The following LEO1 variants were observed in gnomAD, a reference collection of about 807,000 sequenced individuals.
The protein encoded by LEO1 is RNA polymerase-associated protein LEO1.
LEO1 carries 34 observed loss-of-function variants against 80.4 expected under a neutral mutation model. That is an observed-to-expected ratio of 0.42 (90% CI 0.32 to 0.56). LEO1 has a LOEUF of 0.56. LEO1 is among the 20% of genes least tolerant of loss of function. The pLI, the probability that LEO1 is intolerant of heterozygous loss-of-function variation, is 0.10. For missense variants in LEO1, 631 were observed against 814.2 expected, an observed-to-expected ratio of 0.77 and a Z score of 2.74; for synonymous variants, 262 against 274.9, an observed-to-expected ratio of 0.95 and a Z score of 0.46.
intron 6 of LEO1, among the ~76,000 whole-genome samples, chr15:51,956,839 G>T (rs1010832583): frequency 1.3e-4 from 20 of 151,484 alleles, no homozygotes; most frequent in Non-Finnish European, 8.8e-5. Flanking sequence ...TTTTTTTTTG[G>T]GGGGGAGACA....
rs1356455998 is a variant in LEO1 at position 51,953,109 on chromosome 15, A to G, written c.1475+20T>C. ...CTGCTTTTACCATAAGAAATAATACATAATAATAATAACAGTTACCTGAAG... is the reference window on the plus strand; with the variant it reads ...CTGCTTTTACCATAAGAAATAATACGTAATAATAATAACAGTTACCTGAAG... On this transcript the variant is annotated intron_variant, in intron 8 of 11. Coordinates refer to ENST00000299601, the MANE Select transcript of LEO1 (RefSeq NM_138792.4). 1.9e-6 allele frequency: 3 copies of G among 1,591,232 alleles called. No individual in the cohort carries two copies. The South Asian group carries it at 3.4e-5, about 18-fold the overall frequency.
At chr15:51,942,757 A>G (rs1421189994) in intron 11 of LEO1, among the ~76,000 whole-genome samples, 5 of 151,954 alleles carry the variant, frequency 3.3e-5, no homozygotes, top group Non-Finnish European at 7.4e-5. Context: ...CCCTGTCTCT[A>G]CTAAAAATAC....
intron 6 of LEO1, among the ~76,000 whole-genome samples, chr15:51,955,840 T>C (rs2056984770): frequency 6.6e-6 from 1 of 152,150 alleles, no homozygotes; most frequent in South Asian, 2.1e-4. Context: ...TCCTCACAAA[T>C]AGCTATAAAG....
chr15:51,942,254 G>A (rs571966945), intron 11 of LEO1, among the ~76,000 whole-genome samples: 32 of 152,282 alleles, frequency 2.1e-4, no homozygotes, highest in African/African-American at 7.7e-4. Flanking sequence ...TGTCAGGGAA[G>A]GAAAGGGAAG....
chr15:51,970,328 T>C (rs1006988140), intron 1 of LEO1, among the ~76,000 whole-genome samples: 1 of 152,054 alleles, frequency 6.6e-6, no homozygotes, highest in Non-Finnish European at 1.5e-5. Context: ...TGGCTAACAG[T>C]TTGTATTTTT....
chr15:51,965,151 G>A (rs574837545), intron 2 of LEO1, among the ~76,000 whole-genome samples: 4 of 152,138 alleles, frequency 2.6e-5, no homozygotes, highest in African/African-American at 7.2e-5. Flanking sequence ...ATTTGCCCCC[G>A]GGGAAACATA....
intron 11 of LEO1, 67 bp downstream of exon 11, chr15:51,947,225 C>A: frequency 9.9e-7 from 1 of 1,014,038 alleles, no homozygotes; most frequent in Non-Finnish European, 1.6e-6. Flanking sequence ...TCTGTGAGCT[C>A]TTCATTCAAA....
intron 5 of LEO1, 118 bp downstream of exon 5, chr15:51,959,781 G>A (rs1372595390): frequency 1.1e-6 from 1 of 919,376 alleles, no homozygotes; most frequent in African/African-American, 1.7e-5. Context: ...AATTTTTTCA[G>A]AGATACACGA....
chr15:51,943,063 G>A (rs1464120643), intron 11 of LEO1, among the ~76,000 whole-genome samples: 2 of 151,622 alleles, frequency 1.3e-5, no homozygotes, highest in African/African-American at 4.8e-5. Context: ...GACCAGCTTG[G>A]GCAACAAAGT....
In LEO1 at chr15:51,960,606, C is replaced by A. The variant is rs2057022428; in HGVS notation, c.1014+33G>T. On this transcript the variant is annotated intron_variant, in intron 4 of 11. Coordinates refer to ENST00000299601, the MANE Select transcript of LEO1 (RefSeq NM_138792.4). Reference sequence around the variant, plus strand: ...TTCACCTTTGAAACTTTATGCCTGGCCTTGAATAAGTTCATGTTACTAACT... The same window carrying A: ...TTCACCTTTGAAACTTTATGCCTGGACTTGAATAAGTTCATGTTACTAACT... 4 of 1,208,278 alleles carry A rather than the reference C, an allele frequency of 3.3e-6. No individual in the cohort carries two copies. In the Admixed American group the frequency reaches 6.8e-5, roughly 21 times the overall value. 74.8% of individuals were successfully genotyped at this position (1,208,278 alleles called of 1,614,324 possible). A position where few individuals can be genotyped will look rare whatever the true frequency, so the allele number is the denominator to read the frequency against.
Position 51,960,678 on chromosome 15 carries a change from A to T in LEO1, c.975T>A (p.Ser325Arg). The change falls in exon 4 of 12, where the codon AGT becomes AGA. Residue 325 changes from serine to arginine, a missense_variant. Physicochemically the swap from Ser to Arg is moderately radical, Grantham distance 110. Around this residue, in one of 4 missense-constraint regions of LEO1, gnomAD observed 394 missense variants for 395.6 expected, o/e 1.00. Transcript: ENST00000299601. The stretch of plus-strand genomic sequence containing the variant: ...GAGTAGGTGGTTTGTCTTCTCCATC[A>T]CTCCCTGAAGAGATATCATCTGCAC... Reference protein sequence around the residue: ...FGGADDISSGSDGEDKPPTPG... With the variant: ...FGGADDISSGRDGEDKPPTPG... 6.2e-7 allele frequency: 1 copy of T among 1,611,410 alleles called. No homozygotes were observed. Among genetic ancestry groups the T allele is most frequent in the Non-Finnish European group, 8.5e-7 (1 of 1,177,676 alleles).
chr15:51,955,113 A>T (rs1193271904), intron 6 of LEO1: 1 of 151,896 alleles, frequency 6.6e-6, no homozygotes, highest in Non-Finnish European at 1.5e-5. Flanking sequence ...ATTTTTTCAT[A>T]TTTTTTAGTA....
chr15:51,955,953 G>C (rs1390583270), intron 6 of LEO1, among the ~76,000 whole-genome samples: 1 of 152,208 alleles, frequency 6.6e-6, no homozygotes, highest in Non-Finnish European at 1.5e-5. Context: ...GGAATATGTA[G>C]ATGACAAAAG....
intron 2 of LEO1, among the ~76,000 whole-genome samples, chr15:51,965,021 C>T (rs542838368): frequency 2.6e-5 from 4 of 152,190 alleles, no homozygotes; most frequent in African/African-American, 9.6e-5. Context: ...AGGATACACC[C>T]ATCAATCTGT....
Position 51,966,343 on chromosome 15 carries a change from G to C in LEO1, c.220C>G (p.His74Asp). 6.2e-7 allele frequency: 1 copy of C among 1,614,148 alleles called. No homozygotes were observed. The highest frequency in any genetic ancestry group is 8.5e-7 in the Non-Finnish European group (1 of 1,180,024). Residue 74 changes from histidine (H) to aspartate (D), a missense_variant, in exon 2 of 12, where the codon CAT (histidine) becomes GAT (aspartate). His to Asp is a moderately conservative substitution (Grantham distance 81). Transcript: ENST00000299601. ...DDSEDEGASHHSGSDNHSERS... is the reference protein window; with the variant it reads ...DDSEDEGASHDSGSDNHSERS... The stretch of plus-strand genomic sequence containing the variant: ...TCAGAGTGATTATCACTACCACTAT[G>C]ATGTGAAGCTCCCTCGTCCTCACTG...
intron 1 of LEO1, among the ~76,000 whole-genome samples, chr15:51,966,934 A>C (rs999774446): frequency 1.3e-5 from 2 of 151,898 alleles, no homozygotes; most frequent in Admixed American, 6.6e-5. Flanking sequence ...AAAAAGAAAA[A>C]GAAAAATATA....
chr15:51,958,898 C>T, intron 5 of LEO1, 72 bp from the exon 6 acceptor site: 1 of 707,770 alleles, frequency 1.4e-6, no homozygotes, highest in East Asian at 3.0e-5. Context: ...AATAACATCT[C>T]TATTAATAAA....
At chr15:51,959,230 C>T (rs1364967748) in intron 5 of LEO1, among the ~76,000 whole-genome samples, 1 of 152,138 alleles carries the variant, frequency 6.6e-6, no homozygotes, top group African/African-American at 2.4e-5. Flanking sequence ...TCTCAGACTC[C>T]TGACCTCAGG....
Position 51,953,113 on chromosome 15 carries a change from T to C in LEO1, c.1475+16A>G. Reference sequence around the variant, plus strand: ...TTTTACCATAAGAAATAATACATAATAATAATAACAGTTACCTGAAGGTGA... The same window carrying C: ...TTTTACCATAAGAAATAATACATAACAATAATAACAGTTACCTGAAGGTGA... On this transcript the variant is annotated intron_variant, in intron 8 of 11. Coordinates refer to ENST00000299601, the MANE Select transcript of LEO1 (RefSeq NM_138792.4). 1 of 1,597,998 alleles carries C rather than the reference T, an allele frequency of 6.3e-7. No homozygotes were observed. The highest frequency in any genetic ancestry group is 2.2e-5 in the East Asian group (1 of 44,766).
Sources: allele counts gnomAD v4.1 joint callset (sites outside exome capture counted in the v4.1 genomes callset), GRCh38; gene constraint gnomAD v4.1.1; regional missense constraint gnomAD v4.1.1; transcripts MANE v1.5; gene names NCBI Gene and HGNC (gene_info 2026-07-23, HGNC 2026-07-21).